OGDH: variants seen among roughly 807,000 people sequenced by gnomAD.
OGDH encodes oxoglutarate dehydrogenase.
Under a neutral mutation model 116.6 loss-of-function variants are expected in OGDH, and 38 were observed. The ratio of observed to expected loss-of-function variants is 0.33; its 90% confidence interval spans 0.25 to 0.43. The LOEUF is 0.43. Among genes scored for constraint, OGDH ranks in the 20% least tolerant of loss-of-function variants. OGDH has a pLI of 1.00. For missense variants in OGDH, 825 were observed against 1,357.2 expected (o/e 0.61, Z 6.16); for synonymous variants, 488 against 533.3 (o/e 0.92, Z 1.17).
intron 2 of OGDH, among the ~76,000 whole-genome samples, chr7:44,642,895 C>G (rs532030546): frequency 6.6e-6 from 1 of 150,998 alleles, no homozygotes; most frequent in Admixed American, 6.6e-5. Context: ...GCACTCCAGC[C>G]TGGGCAACAG....
chr7:44,674,626 A>C, intron 7 of OGDH, 69 bp downstream of exon 7: 1 of 1,563,374 alleles, frequency 6.4e-7, no homozygotes. Context: ...GCACCAGGTA[A>C]AGGCACTGAG....
intron 10 of OGDH, among the ~76,000 whole-genome samples, chr7:44,688,441 T>TC (rs1325026531): frequency 6.7e-6 from 1 of 149,420 alleles, no homozygotes; most frequent in East Asian, 2.0e-4. Context: ...CTTTTTTTTT[T>TC]TTTTTTTGAG....
Position 44,673,722 on chromosome 7 carries a change from G to A in OGDH, c.634-65G>A, listed in dbSNP as rs888264911. The A allele has an allele frequency of 3.8e-5, 58 of 1,522,964 alleles. No homozygotes were observed. The East Asian group carries it at 1.0e-3, about 27-fold the overall frequency. The allele number at this position is 1,522,964 out of a possible 1,614,324, so 94.3% of individuals were successfully genotyped here. A position where few individuals can be genotyped will look rare whatever the true frequency, so the allele number is the denominator to read the frequency against. ...CCTCCTTCTGGCTGAATGGGCAGTC[G>A]GCAGTCTTCATTCAGCCAGGCCTGG... On this transcript the variant is annotated intron_variant, in intron 5 of 22. Transcript: ENST00000222673.
intron 5 of OGDH, among the ~76,000 whole-genome samples, chr7:44,669,152 T>TTTTTTTTTTTTTTTTTTA (rs1787318098): frequency 7.3e-6 from 1 of 137,330 alleles, no homozygotes; most frequent in African/African-American, 3.0e-5. Flanking sequence ...CAGCTTTTTT[T>TTTTTTTTTTTTTTTTTTA]TTTTTTTTTT....
intron 1 of OGDH, among the ~76,000 whole-genome samples, chr7:44,621,870 C>A (rs906182916): frequency 1.4e-5 from 2 of 147,214 alleles, no homozygotes; most frequent in Admixed American, 6.8e-5. Flanking sequence ...GACTCCGTAT[C>A]AAAAAAAAAA....
chr7:44,690,106 T>C (rs1788306338), intron 10 of OGDH, among the ~76,000 whole-genome samples: 1 of 152,230 alleles, frequency 6.6e-6, no homozygotes, highest in South Asian at 2.1e-4. Flanking sequence ...TATAAATGAT[T>C]GAGTAGCAAA....
At chr7:44,627,881 T>G (rs1427328736) in intron 2 of OGDH, among the ~76,000 whole-genome samples, 1 of 152,160 alleles carries the variant, frequency 6.6e-6, no homozygotes, top group South Asian at 2.1e-4. Context: ...TTCACCATGT[T>G]GGCCAGGCTG....
chr7:44,656,417 G>T, intron 4 of OGDH: 1 of 1,483,238 alleles, frequency 6.7e-7, no homozygotes, highest in South Asian at 1.2e-5. Context: ...CATTTGAATA[G>T]GATGTGCAAC....
At chr7:44,606,733 A>C (rs1395479828) in intron 1 of OGDH, 80 bp downstream of exon 1, 1 of 152,422 alleles carries the variant, frequency 6.6e-6, no homozygotes, top group Non-Finnish European at 1.5e-5. Context: ...GATCGCGGTA[A>C]AGGGGGAGGC....
At chr7:44,645,278 C>A in intron 2 of OGDH, 49 bp from the exon 3 acceptor site, 1 of 1,556,760 alleles carries the variant, frequency 6.4e-7, no homozygotes, top group South Asian at 1.2e-5. Flanking sequence ...CAGATGCATC[C>A]TGGACTTAGG....
intron 1 of OGDH, among the ~76,000 whole-genome samples, chr7:44,623,798 A>G (rs1326707109): frequency 6.6e-6 from 1 of 152,098 alleles, no homozygotes; most frequent in African/African-American, 2.4e-5. Flanking sequence ...GGCATGCACC[A>G]CCACACCCAG....
chr7:44,647,845 G>A (rs1364930875), intron 4 of OGDH, 86 bp downstream of exon 4: 6 of 988,476 alleles, frequency 6.1e-6, no homozygotes, highest in Non-Finnish European at 9.6e-6. Flanking sequence ...CCAGGCAGGA[G>A]GGAAAGGCTC....
At chr7:44,653,177 T>G (rs947103478) in intron 4 of OGDH, among the ~76,000 whole-genome samples, 6 of 151,924 alleles carry the variant, frequency 3.9e-5, no homozygotes, top group Admixed American at 1.3e-4. Flanking sequence ...CACTGCAACC[T>G]CCACCTCCAG....
intron 2 of OGDH, among the ~76,000 whole-genome samples, chr7:44,626,285 G>C (rs1286259395): frequency 2.2e-5 from 3 of 136,502 alleles, no homozygotes; most frequent in Admixed American, 7.6e-5. Context: ...GATTGTGGCA[G>C]ATTTCACACA....
chr7:44,643,282 G>GT (rs922643506), intron 2 of OGDH, among the ~76,000 whole-genome samples: 3 of 151,972 alleles, frequency 2.0e-5, no homozygotes, highest in African/African-American at 7.3e-5. Context: ...AGCTACAGTG[G>GT]TTTTTAGTAT....
At chr7:44,656,535 A>G (rs1232654819) in intron 4 of OGDH, among the ~76,000 whole-genome samples, 1 of 152,184 alleles carries the variant, frequency 6.6e-6, no homozygotes, top group Non-Finnish European at 1.5e-5. Context: ...TTATTAACCA[A>G]TAAGTAGAGC....
chr7:44,680,121 A>G (rs944763814), intron 9 of OGDH, among the ~76,000 whole-genome samples: 13 of 152,284 alleles, frequency 8.5e-5, no homozygotes, highest in Admixed American at 5.9e-4. Context: ...CTGAGGTGGG[A>G]AAATCACTTG....
chr7:44,674,012 G>A (rs1787581761), intron 6 of OGDH, 71 bp downstream of exon 6: 2 of 1,584,044 alleles, frequency 1.3e-6, no homozygotes, highest in East Asian at 2.2e-5. Context: ...TGTTGATCGG[G>A]CCTGTGTGCA....
At chr7:44,644,940 G>A (rs770574215) in intron 2 of OGDH, among the ~76,000 whole-genome samples, 6 of 152,174 alleles carry the variant, frequency 3.9e-5, no homozygotes, top group African/African-American at 7.2e-5. Flanking sequence ...TGCTGGGGCC[G>A]GGGGGAAGGC....
Sources: allele counts gnomAD v4.1 joint callset (sites outside exome capture counted in the v4.1 genomes callset), GRCh38; gene constraint gnomAD v4.1.1; transcripts MANE v1.5; gene names NCBI Gene and HGNC (gene_info 2026-07-23, HGNC 2026-07-21).